The following BRWD1 variants were observed in gnomAD, a reference collection of about 807,000 sequenced individuals.
BRWD1 encodes bromodomain and WD repeat domain containing 1, also known as bromodomain and WD repeat-containing protein 1.
Under a neutral mutation model 251.2 loss-of-function variants are expected in BRWD1, and 82 were observed. That is an observed-to-expected ratio of 0.33 (90% CI 0.27 to 0.39). The LOEUF (loss-of-function observed/expected upper bound fraction) is 0.39. Among genes scored for constraint, BRWD1 ranks in the 10% least tolerant of loss-of-function variants. The probability of loss-of-function intolerance (pLI) is 1.00; values close to 1 mark genes in which losing one functional copy is unlikely to be tolerated. For synonymous variants in BRWD1, 918 were observed against 902.8 expected (o/e 1.02, Z -0.30); for missense variants, 2,233 against 2,711.6 (o/e 0.82, Z 3.92).
At chr21:39,314,854 G>C (rs1329806239), upstream of BRWD1, 2 of 157,638 alleles carry the variant, frequency 1.3e-5, no homozygotes, top group Non-Finnish European at 2.8e-5. Context: ...GGGTCTCAGT[G>C]TTCCTTACTA....
At position 39,251,005 on chromosome 21, in the gene BRWD1, C is replaced by T. The variant is rs185244771; in HGVS notation, c.2256-116G>A. 46 of 617,560 alleles carry T rather than the reference C, an allele frequency of 7.4e-5. No homozygotes were observed. In the Admixed American group the frequency reaches 1.3e-3, roughly 18 times the overall value. 38.3% of individuals were successfully genotyped at this position (617,560 alleles called of 1,614,324 possible). A position where few individuals can be genotyped will look rare whatever the true frequency, so the allele number is the denominator to read the frequency against. ...CATAAGTTTATGTACTTTAAAAATACACAAAATCTCTGAAGTTAAAACATG... is the reference window on the plus strand; with the variant it reads ...CATAAGTTTATGTACTTTAAAAATATACAAAATCTCTGAAGTTAAAACATG... On this transcript the variant is annotated intron_variant, in intron 19 of 40. Coordinates refer to ENST00000342449, the MANE Select transcript of BRWD1 (RefSeq NM_033656.4).
At chr21:39,301,843 A>T (rs150798878) in intron 4 of BRWD1, among the ~76,000 whole-genome samples, 1 of 151,608 alleles carries the variant, frequency 6.6e-6, no homozygotes, top group African/African-American at 2.4e-5. Flanking sequence ...AAGACTGCTA[A>T]ATTTCCAACA....
intron 15 of BRWD1, among the ~76,000 whole-genome samples, chr21:39,269,003 A>AG (rs1157622022): frequency 6.6e-6 from 1 of 152,080 alleles, no homozygotes; most frequent in Admixed American, 6.5e-5. Context: ...GAAAAGAAAA[A>AG]GAAAAGAAAA....
At chr21:39,203,278 C>G (rs1422512317) in intron 37 of BRWD1, among the ~76,000 whole-genome samples, 2 of 151,928 alleles carry the variant, frequency 1.3e-5, no homozygotes, top group Non-Finnish European at 2.9e-5. Flanking sequence ...ATAGCATGAC[C>G]CCATGCCTAC....
intron 29 of BRWD1, among the ~76,000 whole-genome samples, chr21:39,221,224 CATT>C (rs951679483): frequency 9.3e-5 from 14 of 150,152 alleles, no homozygotes; most frequent in African/African-American, 1.7e-4. Context: ...TGTATATCAT[CATT>C]GAGGGGAAAA....
Position 39,189,617 on chromosome 21 carries a change from C to T in BRWD1, c.*6642G>A, listed in dbSNP as rs1437935323. The stretch of plus-strand genomic sequence containing the variant: ...AAAGCTGAATCTCTTAAGTCTTAGA[C>T]AATAAAACAGGAATTTCAGAGAATA... On this transcript the variant is annotated 3_prime_UTR_variant, in exon 41 of 41. Coordinates refer to ENST00000342449, the MANE Select transcript of BRWD1 (RefSeq NM_033656.4). The T allele has an allele frequency of 3.1e-6, 3 of 981,882 alleles. No individual in the cohort carries two copies. Among genetic ancestry groups the T allele is most frequent in the Non-Finnish European group, 3.6e-6 (3 of 826,946 alleles). The allele number at this position is 981,882 out of a possible 1,614,324, so 60.8% of individuals were successfully genotyped here. A position where few individuals can be genotyped will look rare whatever the true frequency, so the allele number is the denominator to read the frequency against.
chr21:39,192,293 T>C lies in BRWD1; in HGVS notation c.*3966A>G. The C allele has an allele frequency of 2.0e-6, 2 of 985,292 alleles. No individual in the cohort carries two copies. Among genetic ancestry groups the C allele is most frequent in the Non-Finnish European group, 2.4e-6 (2 of 829,840 alleles). The allele number at this position is 985,292 out of a possible 1,614,324, so 61.0% of individuals were successfully genotyped here. A position where few individuals can be genotyped will look rare whatever the true frequency, so the allele number is the denominator to read the frequency against. On this transcript the variant is annotated 3_prime_UTR_variant, in exon 41 of 41. Transcript: ENST00000342449. ...AATCCTTACTATTCACAGTTTGAGC[T>C]AGGAATTAACATTTGCTAATCTAGT...
At chr21:39,292,122 T>TGGGGGGGG (rs1336734101) in intron 8 of BRWD1, among the ~76,000 whole-genome samples, 2 of 2,184 alleles carry the variant, frequency 9.2e-4, no homozygotes, top group African/African-American at 1.7e-3. Flanking sequence ...TTGTGGGGGG[T>TGGGGGGGG]GGGTGGGGGT....
intron 15 of BRWD1, 70 bp from the exon 16 acceptor site, chr21:39,265,089 A>G: frequency 1.3e-6 from 2 of 1,483,784 alleles, no homozygotes; most frequent in South Asian, 2.5e-5. Context: ...AACTTTTTTA[A>G]TGTGGATAAC....
chr21:39,254,444 C>T (rs1376188432), intron 19 of BRWD1, among the ~76,000 whole-genome samples: 1 of 151,930 alleles, frequency 6.6e-6, no homozygotes, highest in African/African-American at 2.4e-5. Context: ...CTCCTCATGG[C>T]TAGAAAAGAG....
intron 37 of BRWD1, among the ~76,000 whole-genome samples, chr21:39,203,110 A>T (rs2032192462): frequency 6.6e-6 from 1 of 152,240 alleles, no homozygotes; most frequent in African/African-American, 2.4e-5. Flanking sequence ...TGGAAGTTTA[A>T]GGCATGTGAG....
intron 18 of BRWD1, among the ~76,000 whole-genome samples, chr21:39,256,417 G>C (rs564027754): frequency 6.6e-6 from 1 of 152,354 alleles, no homozygotes; most frequent in South Asian, 2.1e-4. Context: ...ACCAAGGCAA[G>C]TAGCTGTCAA....
At chr21:39,213,579 A>T in intron 32 of BRWD1, 26 bp from the exon 33 acceptor site, 1 of 1,493,494 alleles carries the variant, frequency 6.7e-7, no homozygotes, top group Non-Finnish European at 9.3e-7. Flanking sequence ...TCACTTTAAT[A>T]GTATGCAGAT....
intron 8 of BRWD1, among the ~76,000 whole-genome samples, chr21:39,286,839 T>TAA (rs141048970): frequency 0.015 from 2,312 of 152,272 alleles, 57 homozygotes; most frequent in African/African-American, 0.053. Flanking sequence ...CTAGCAATAC[T>TAA]AAAAATGAAC....
intron 36 of BRWD1, among the ~76,000 whole-genome samples, chr21:39,209,515 C>A (rs578201292): frequency 2.2e-4 from 34 of 152,056 alleles, no homozygotes; most frequent in Non-Finnish European, 3.7e-4. Context: ...CCTCCACTGG[C>A]TCTGTAACAT....
At chr21:39,239,746 G>T (rs375015142) in intron 21 of BRWD1, among the ~76,000 whole-genome samples, 2 of 152,258 alleles carry the variant, frequency 1.3e-5, no homozygotes, top group East Asian at 1.9e-4. Flanking sequence ...GATGATGCTG[G>T]AAAGAATTTT....
In BRWD1 at chr21:39,192,155, T is replaced by C; in HGVS notation, c.*4104A>G. 1.0e-6 allele frequency: 1 copy of C among 985,254 alleles called. No individual in the cohort carries two copies. Among genetic ancestry groups the C allele is most frequent in the Non-Finnish European group, 1.2e-6 (1 of 829,786 alleles). 61.0% of individuals were successfully genotyped at this position (985,254 alleles called of 1,614,324 possible). ...TATGAAAAAGGTAAAAATCTCTTAC[T>C]TTTGAGAATCCCCATGTATCCTTGG... On this transcript the variant is annotated 3_prime_UTR_variant, in exon 41 of 41. Coordinates refer to ENST00000342449, the MANE Select transcript of BRWD1 (RefSeq NM_033656.4).
intron 15 of BRWD1, among the ~76,000 whole-genome samples, chr21:39,267,169 A>T (rs1475725303): frequency 6.6e-6 from 1 of 152,036 alleles, no homozygotes; most frequent in East Asian, 1.9e-4. Flanking sequence ...TACTTTGATC[A>T]TACTATTTAA....
Position 39,269,456 on chromosome 21 carries a change from C to G in BRWD1, c.1530+443G>C, listed in dbSNP as rs138872351. ...GTGTTAGGAGTTCAGAGCCACCACA[C>G]CCAGCCCAAGGTTACTGAAATTGGA... On this transcript the variant is annotated intron_variant, in intron 15 of 40. Coordinates refer to ENST00000342449, the MANE Select transcript of BRWD1 (RefSeq NM_033656.4). Among the ~76,000 whole-genome samples the G allele has an allele frequency of 1.1e-4, 17 of 151,636 alleles. No homozygotes were observed. The East Asian group carries it at 3.1e-3, about 28-fold the overall frequency.
Sources: gnomAD v4.1 joint callset for allele counts (sites outside exome capture counted in the v4.1 genomes callset) on GRCh38, gnomAD v4.1.1 for gene constraint, MANE v1.5 for transcripts, NCBI Gene and HGNC (gene_info 2026-07-23, HGNC 2026-07-21) for gene names.